Variants in RBMS1 observed in about 807,000 individuals in gnomAD.
RBMS1 encodes the protein RNA binding motif single stranded interacting protein 1, also known as RNA-binding motif, single-stranded-interacting protein 1.
RBMS1 carries 17 observed loss-of-function variants against 62.3 expected under a neutral mutation model. The observed-to-expected ratio is 0.27, with a 90% CI of 0.19 to 0.41. The LOEUF (loss-of-function observed/expected upper bound fraction) is 0.41, where lower values mean the gene tolerates loss of function less well. Ranked by LOEUF, RBMS1 falls within the 10% of genes least tolerant of loss-of-function variation. The pLI, the probability that RBMS1 is intolerant of heterozygous loss-of-function variation, is 1.00. For missense variants in RBMS1, 334 were observed against 504.5 expected, an observed-to-expected ratio of 0.66 and a Z score of 3.24; for synonymous variants, 172 against 170.0, an observed-to-expected ratio of 1.01 and a Z score of -0.09.
At chr2:160,337,034 A>G (rs970756634) in intron 2 of RBMS1, among the ~76,000 whole-genome samples, 1 of 152,100 alleles carries the variant, frequency 6.6e-6, no homozygotes, top group Non-Finnish European at 1.5e-5. Flanking sequence ...TCTCAGGGAG[A>G]TAATCACTCA....
chr2:160,397,662 C>A (rs970234453), intron 1 of RBMS1, among the ~76,000 whole-genome samples: 1 of 152,118 alleles, frequency 6.6e-6, no homozygotes, highest in Non-Finnish European at 1.5e-5. Flanking sequence ...GCTTCCCTCA[C>A]CCCTGCCTCC....
intron 3 of RBMS1, among the ~76,000 whole-genome samples, chr2:160,317,136 T>C (rs1320703735): frequency 1.3e-5 from 2 of 152,220 alleles, no homozygotes; most frequent in Non-Finnish European, 2.9e-5. Context: ...TTTGCTACAA[T>C]AGCTCCTTTA....
In RBMS1 at chr2:160,284,987, CG is replaced by C. The variant is rs1280532767; in HGVS notation, c.806+7del. On this transcript the variant is annotated splice_region_variant and intron_variant, in intron 8 of 13. Coordinates refer to ENST00000348849, the MANE Select transcript of RBMS1 (RefSeq NM_016836.4). ...TCAAGCCATTATGGATTTATTTTAA[CG>C]ACATACCCGTTCTGTATAGCAGCTG... 3 of 1,611,356 alleles carry C rather than the reference CG, an allele frequency of 1.9e-6. No homozygotes were observed. In the African/African-American group the frequency reaches 4.0e-5, roughly 22 times the overall value.
At position 160,493,519 on chromosome 2, in the gene RBMS1, A is replaced by ACGTCCTCCTCCTCCTCCTCCTCTTCCT; in HGVS notation, c.-183_-157dup. ...TGCTCCACCTCCCAGCCGGGACCAG[A>ACGTCCTCCTCCTCCTCCTCCTCTTCCT]CGTCCTCCTCCTCCTCCTCCTCTTC... On this transcript the variant is annotated 5_prime_UTR_variant, in exon 1 of 14. Coordinates refer to ENST00000348849, the MANE Select transcript of RBMS1 (RefSeq NM_016836.4). The ACGTCCTCCTCCTCCTCCTCCTCTTCCT allele has an allele frequency of 1.6e-6, 1 of 619,816 alleles. No homozygotes were observed. Among genetic ancestry groups the ACGTCCTCCTCCTCCTCCTCCTCTTCCT allele is most frequent in the East Asian group, 2.9e-5 (1 of 34,832 alleles). 38.4% of individuals were successfully genotyped at this position (619,816 alleles called of 1,614,324 possible).
intron 1 of RBMS1, among the ~76,000 whole-genome samples, chr2:160,485,051 T>G (rs1027203491): frequency 3.3e-5 from 5 of 152,166 alleles, no homozygotes; most frequent in Non-Finnish European, 5.9e-5. Context: ...TGTAGTAATC[T>G]AGTAGTGGTA....
intron 5 of RBMS1, among the ~76,000 whole-genome samples, chr2:160,301,976 T>C (rs1055853502): frequency 4.6e-5 from 7 of 152,222 alleles, no homozygotes; most frequent in Non-Finnish European, 1.0e-4. Flanking sequence ...TTATTTGTTA[T>C]TGCAGAGTAT....
At chr2:160,297,951 G>A (rs1171223325) in intron 6 of RBMS1, among the ~76,000 whole-genome samples, 5 of 152,068 alleles carry the variant, frequency 3.3e-5, no homozygotes, top group African/African-American at 1.2e-4. Context: ...AGAGGGGGTC[G>A]ATTTTTAACA....
Position 160,273,476 on chromosome 2 carries a change from G to A in RBMS1, c.*1296C>T, listed in dbSNP as rs1272404730. 6.6e-6 allele frequency: 1 copy of A among 152,170 alleles called. No individual in the cohort carries two copies. The highest frequency in any genetic ancestry group is 2.4e-5 in the African/African-American group (1 of 41,442). The allele number at this position is 152,170 out of a possible 1,614,324, so 9.4% of individuals were successfully genotyped here. A position where few individuals can be genotyped will look rare whatever the true frequency, so the allele number is the denominator to read the frequency against. The stretch of plus-strand genomic sequence containing the variant: ...GTGAAGTTACCTTTAAAAGTGCCAA[G>A]TCATTTTTATTTTTCAAATTTACCT... On this transcript the variant is annotated 3_prime_UTR_variant, in exon 14 of 14. Coordinates refer to ENST00000348849, the MANE Select transcript of RBMS1 (RefSeq NM_016836.4).
intron 9 of RBMS1, 43 bp downstream of exon 9, chr2:160,284,732 T>C (rs1206986370): frequency 7.3e-7 from 1 of 1,362,558 alleles, no homozygotes; most frequent in East Asian, 2.3e-5. Flanking sequence ...AGATTCATGG[T>C]CCGCAAGTGG....
At position 160,318,191 on chromosome 2, in the gene RBMS1, A is replaced by T. The variant is rs777223340; in HGVS notation, c.288T>A (p.Asp96Glu). The T allele has an allele frequency of 3.2e-6, 5 of 1,569,156 alleles. No individual in the cohort carries two copies. The highest frequency in any genetic ancestry group is 4.3e-6 in the Non-Finnish European group (5 of 1,161,884). ...GKIVSTKAIL[D>E]KTTNKCKGYG... ...TACCTTTGCATTTGTTCGTTGTCTT[A>T]TCCAAAATTGCCTTTGTGGAGACTA... is the stretch of plus-strand genomic sequence containing the variant. The change falls in exon 3 of 14, where the codon GAT (aspartate) becomes GAA (glutamate). Residue 96 changes from aspartate to glutamate, a missense_variant. Coordinates refer to ENST00000348849, the MANE Select transcript of RBMS1 (RefSeq NM_016836.4).
chr2:160,306,848 G>A (rs1689555788), intron 4 of RBMS1, among the ~76,000 whole-genome samples: 1 of 151,890 alleles, frequency 6.6e-6, no homozygotes, highest in South Asian at 2.1e-4. Context: ...CTTGAAATGA[G>A]GATAGTTTAG....
intron 1 of RBMS1, chr2:160,492,818 G>GT (rs1685893060): frequency 6.5e-6 from 1 of 154,214 alleles, no homozygotes; most frequent in Non-Finnish European, 1.4e-5. Context: ...TGCGCGGGAG[G>GT]TGGAGGGGCG....
chr2:160,475,075 C>T (rs1244897457), intron 1 of RBMS1, among the ~76,000 whole-genome samples: 1 of 152,132 alleles, frequency 6.6e-6, no homozygotes, highest in African/African-American at 2.4e-5. Context: ...TGCAATAGAC[C>T]TGTAAAAATG....
chr2:160,362,971 A>C (rs1323689970), intron 2 of RBMS1, among the ~76,000 whole-genome samples: 1 of 152,256 alleles, frequency 6.6e-6, no homozygotes, highest in Non-Finnish European at 1.5e-5. Context: ...TGTACAATTC[A>C]ATATAAATTA....
At chr2:160,350,752 A>C (rs1399129961) in intron 2 of RBMS1, among the ~76,000 whole-genome samples, 1 of 152,146 alleles carries the variant, frequency 6.6e-6, no homozygotes, top group Non-Finnish European at 1.5e-5. Context: ...CCAGTCTATC[A>C]TTGTTGGACA....
chr2:160,458,364 ATATT>A (rs1161266909), intron 1 of RBMS1, among the ~76,000 whole-genome samples: 11 of 152,344 alleles, frequency 7.2e-5, no homozygotes, highest in African/African-American at 2.4e-4. Flanking sequence ...CAATTCACTC[ATATT>A]TAAAGTTACT....
chr2:160,490,313 A>AC (rs921876718), intron 1 of RBMS1, among the ~76,000 whole-genome samples: 3 of 151,626 alleles, frequency 2.0e-5, no homozygotes, highest in African/African-American at 7.3e-5. Context: ...AAATAAAAAA[A>AC]AAAAACAAAA....
intron 1 of RBMS1, among the ~76,000 whole-genome samples, chr2:160,394,961 A>G (rs1695060320): frequency 6.6e-6 from 1 of 152,244 alleles, no homozygotes; most frequent in East Asian, 1.9e-4. Context: ...GTTGAACCCG[A>G]TAATCTCTAA....
rs1409522099 is a variant in RBMS1, at chr2:160,275,697, C to T, written c.1161G>A (p.Gln387=). ...CATTAGACGTCTCGACAGCCACCTG[C>T]TGTTGACCACTTGCCTCCTACAACA... ...AVPVEEASGQ[Q]QVAVETSNDH... The change falls in exon 13 of 14, where the codon CAG becomes CAA. Residue 387 remains glutamine, a synonymous_variant. Transcript: ENST00000348849. 1.2e-6 allele frequency: 2 copies of T among 1,613,802 alleles called. No individual in the cohort carries two copies. The highest frequency in any genetic ancestry group is 8.5e-7 in the Non-Finnish European group (1 of 1,179,724).
Sources: allele counts gnomAD v4.1 joint callset (sites outside exome capture counted in the v4.1 genomes callset), GRCh38; gene constraint gnomAD v4.1.1; transcripts MANE v1.5; gene names NCBI Gene and HGNC (gene_info 2026-07-23, HGNC 2026-07-21).